The following BCKDHB variants were observed in gnomAD, a reference collection of about 807,000 sequenced individuals.
BCKDHB encodes branched chain keto acid dehydrogenase E1 subunit beta, also known as 2-oxoisovalerate dehydrogenase subunit beta, mitochondrial.
BCKDHB carries 41 observed loss-of-function variants against 48.5 expected under a neutral mutation model. The ratio of observed to expected loss-of-function variants is 0.85; its 90% confidence interval spans 0.66 to 1.10. The LOEUF (loss-of-function observed/expected upper bound fraction) is 1.10. BCKDHB is among the 50% of genes least tolerant of loss of function. The pLI is 0.00. For synonymous variants in BCKDHB, 201 were observed against 174.8 expected (o/e 1.15, Z -1.18); for missense variants, 496 against 494.2 (o/e 1.00, Z -0.03).
At chr6:80,422,254 G>T in the BCKDHB span, among the ~76,000 whole-genome samples, 2 of 152,208 alleles carry the variant, frequency 1.3e-5, no homozygotes, top group Non-Finnish European at 1.5e-5. Flanking sequence ...CTTCTATGTG[G>T]TGTTGGGTCT....
In BCKDHB at chr6:80,343,805, C is replaced by T; in HGVS notation, c.*1C>T. ...CCTTCGAAAAATGATCAACTATTGA[C>T]CATATAGGTAGGTATGCATCTTGAG... On this transcript the variant is annotated 3_prime_UTR_variant, in exon 10 of 10. Coordinates refer to ENST00000320393, the MANE Select transcript of BCKDHB (RefSeq NM_183050.4). The T allele has an allele frequency of 1.9e-6, 3 of 1,613,788 alleles. No individual in the cohort carries two copies. Among genetic ancestry groups the T allele is most frequent in the Non-Finnish European group, 2.5e-6 (3 of 1,179,860 alleles).
intron 8 of BCKDHB, among the ~76,000 whole-genome samples, chr6:80,238,231 G>A (rs985286978): frequency 3.3e-5 from 5 of 152,152 alleles, no homozygotes; most frequent in African/African-American, 1.2e-4. Context: ...CTGAGTAGCT[G>A]GGGCTACAGG....
intron 6 of BCKDHB, among the ~76,000 whole-genome samples, chr6:80,187,983 G>A (rs1437144482): frequency 1.3e-5 from 2 of 152,070 alleles, no homozygotes; most frequent in Non-Finnish European, 2.9e-5. Flanking sequence ...TTGAATATAT[G>A]CCCAAAGGAA....
intron 1 of BCKDHB, among the ~76,000 whole-genome samples, chr6:80,108,752 C>T (rs1041301616): frequency 6.6e-6 from 1 of 151,852 alleles, no homozygotes; most frequent in South Asian, 2.1e-4. Flanking sequence ...CCCAGCTACT[C>T]GGGAGGCTGA....
chr6:80,295,621 A>T (rs1767191614), intron 9 of BCKDHB, among the ~76,000 whole-genome samples: 1 of 61,416 alleles, frequency 1.6e-5, no homozygotes, highest in Admixed American at 2.4e-4. Flanking sequence ...TCCTGTTACC[A>T]GAAAAAAAAA....
At chr6:80,402,046 GATT>G in the BCKDHB span, among the ~76,000 whole-genome samples, 1 of 151,598 alleles carries the variant, frequency 6.6e-6, no homozygotes. Context: ...TCCATATCTT[GATT>G]ATTGTGAATA....
chr6:80,370,940 C>T, the BCKDHB span, among the ~76,000 whole-genome samples: 1 of 151,954 alleles, frequency 6.6e-6, no homozygotes, highest in Non-Finnish European at 1.5e-5. Flanking sequence ...AATTGTGCTG[C>T]TATAAACATG....
At chr6:80,422,136 G>T in the BCKDHB span, among the ~76,000 whole-genome samples, 1 of 152,142 alleles carries the variant, frequency 6.6e-6, no homozygotes, top group Non-Finnish European at 1.5e-5. Context: ...TCAGCCTGTG[G>T]ACCTGGTACC....
intron 4 of BCKDHB, among the ~76,000 whole-genome samples, chr6:80,168,201 A>C (rs1036480644): frequency 1.3e-5 from 2 of 151,972 alleles, no homozygotes; most frequent in Non-Finnish European, 2.9e-5. Context: ...CAGGAGGATA[A>C]CTTAAACCAG....
the BCKDHB span, among the ~76,000 whole-genome samples, chr6:80,399,082 A>G: frequency 6.6e-6 from 1 of 152,124 alleles, no homozygotes; most frequent in Non-Finnish European, 1.5e-5. Flanking sequence ...CTCTAAATAA[A>G]CTAGATATTG....
At chr6:80,412,859 C>A in the BCKDHB span, among the ~76,000 whole-genome samples, 1 of 152,142 alleles carries the variant, frequency 6.6e-6, no homozygotes, top group Non-Finnish European at 1.5e-5. Context: ...TCCTGACCTG[C>A]AGGGTAATCT....
At chr6:80,398,990 G>T in the BCKDHB span, among the ~76,000 whole-genome samples, 7 of 151,958 alleles carry the variant, frequency 4.6e-5, no homozygotes, top group Non-Finnish European at 8.8e-5. Flanking sequence ...CACATAAACA[G>T]AACTAGAGGC....
the BCKDHB span, chr6:80,374,698 T>C: frequency 5.7e-6 from 2 of 351,268 alleles, no homozygotes; most frequent in East Asian, 1.1e-4. Flanking sequence ...ATGCTATTTG[T>C]CACCCGAATA....
chr6:80,127,688 A>C, intron 2 of BCKDHB, 64 bp downstream of exon 2: 1 of 1,409,348 alleles, frequency 7.1e-7, no homozygotes, highest in Non-Finnish European at 1.0e-6. Flanking sequence ...GATTTGCTTA[A>C]AATATTTATG....
intron 9 of BCKDHB, among the ~76,000 whole-genome samples, chr6:80,343,208 A>C (rs189967660): frequency 6.6e-6 from 1 of 152,350 alleles, no homozygotes; most frequent in Admixed American, 6.5e-5. Context: ...AACTGATAGA[A>C]GTTCAGTCTG....
chr6:80,253,519 C>G (rs930038898), intron 8 of BCKDHB, among the ~76,000 whole-genome samples: 1 of 151,930 alleles, frequency 6.6e-6, no homozygotes, highest in African/African-American at 2.4e-5. Flanking sequence ...ATGTGGTACT[C>G]TTTGATTGAC....
At chr6:80,171,125 A>G (rs1431150831) in intron 5 of BCKDHB, among the ~76,000 whole-genome samples, 157 bp from the exon 6 acceptor site, 1 of 152,130 alleles carries the variant, frequency 6.6e-6, no homozygotes, top group East Asian at 1.9e-4. Flanking sequence ...TTTATATAAT[A>G]TGTAAACTTA....
chr6:80,316,527 G>A (rs1768454105), intron 9 of BCKDHB, among the ~76,000 whole-genome samples: 1 of 152,020 alleles, frequency 6.6e-6, no homozygotes, highest in African/African-American at 2.4e-5. Flanking sequence ...AACAATATTA[G>A]CAAATATGTT....
At chr6:80,274,533 TAG>T (rs1316889135) in intron 9 of BCKDHB, among the ~76,000 whole-genome samples, 33 of 152,030 alleles carry the variant, frequency 2.2e-4, no homozygotes, top group Non-Finnish European at 8.8e-5. Context: ...TTCTGACTTA[TAG>T]TTAATATATA....
Sources: allele counts gnomAD v4.1 joint callset (sites outside exome capture counted in the v4.1 genomes callset), GRCh38; gene constraint gnomAD v4.1.1; transcripts MANE v1.5; gene names NCBI Gene and HGNC (gene_info 2026-07-23, HGNC 2026-07-21).